Variants in SPAG17 observed in about 807,000 individuals in gnomAD.
SPAG17 encodes the protein sperm associated antigen 17.
Under a neutral mutation model 273.6 loss-of-function variants are expected in SPAG17, and 169 were observed. The ratio of observed to expected loss-of-function variants is 0.62; its 90% CI spans 0.55 to 0.70. The LOEUF (loss-of-function observed/expected upper bound fraction) is 0.70. SPAG17 is among the 30% of genes least tolerant of loss of function. The pLI, the probability that SPAG17 is intolerant of heterozygous loss-of-function variation, is 0.00. For synonymous variants in SPAG17, 825 were observed against 873.2 expected, an observed-to-expected ratio of 0.94 and a Z score of 0.97; for missense variants, 2,557 against 2,627.8, an observed-to-expected ratio of 0.97 and a Z score of 0.59.
chr1:117,954,749 C>G, intron 48 of SPAG17: 2 of 1,052,060 alleles, frequency 1.9e-6, no homozygotes, highest in Non-Finnish European at 2.8e-6. Context: ...CTTCAAAAGT[C>G]TCTTTTGAAT....
chr1:118,039,502 C>G (rs1007855861), intron 22 of SPAG17, 58 bp from the exon 23 acceptor site: 1 of 1,544,620 alleles, frequency 6.5e-7, no homozygotes. Context: ...TTAAGCTCCT[C>G]GACAAGATGG....
chr1:118,021,668 A>T (rs1044683997), intron 28 of SPAG17, among the ~76,000 whole-genome samples: 6 of 152,170 alleles, frequency 3.9e-5, no homozygotes, highest in African/African-American at 1.4e-4. Context: ...CTTTCCACTC[A>T]ATTTTTCTGT....
intron 18 of SPAG17, among the ~76,000 whole-genome samples, chr1:118,062,363 T>G (rs1258343467): frequency 4.5e-5 from 1 of 22,282 alleles, no homozygotes; most frequent in African/African-American, 3.3e-4. Flanking sequence ...CGAGACTCCA[T>G]CTCAAAAAAA....
At chr1:118,105,893 A>C (rs1656369433) in intron 4 of SPAG17, among the ~76,000 whole-genome samples, 1 of 152,214 alleles carries the variant, frequency 6.6e-6, no homozygotes, top group Non-Finnish European at 1.5e-5. Context: ...AGAGAGGCAG[A>C]GAATAACAGT....
chr1:118,143,432 T>C (rs145936899), intron 3 of SPAG17, among the ~76,000 whole-genome samples: 293 of 152,206 alleles, frequency 1.9e-3, no homozygotes, highest in African/African-American at 6.9e-3. Context: ...GTGCAGTGGT[T>C]TACACCTATA....
In SPAG17 at chr1:118,116,229, G is replaced by A. The variant is rs61838260; in HGVS notation, c.316-788C>T. ...TTTACTGCAAAAAAAATAAAATCAC[G>A]TAAAATATACCATAAAAAGTTGTTA... On this transcript the variant is annotated intron_variant, in intron 3 of 48. Coordinates refer to ENST00000336338, the MANE Select transcript of SPAG17 (RefSeq NM_206996.4). Among the ~76,000 whole-genome samples the A allele has an allele frequency of 4.6e-3, 699 of 152,188 alleles. 5 individuals carry two copies. Among genetic ancestry groups the A allele is most frequent in the Admixed American group, 0.023 (347 of 15,286 alleles).
chr1:118,050,281 G>T (rs1249048977), intron 20 of SPAG17, among the ~76,000 whole-genome samples: 1 of 152,152 alleles, frequency 6.6e-6, no homozygotes, highest in Non-Finnish European at 1.5e-5. Context: ...CAAGTCACCT[G>T]CTTGGCCTTC....
In SPAG17 at chr1:117,984,754, G is replaced by T. The variant is rs1413788991; in HGVS notation, c.5698C>A (p.Leu1900Ile). Residue 1900 changes from leucine to isoleucine, a missense_variant, in exon 41 of 49, where the codon CTA becomes ATA. Physicochemically the swap from Leu to Ile is conservative, Grantham distance 5. Coordinates refer to ENST00000336338, the MANE Select transcript of SPAG17 (RefSeq NM_206996.4). ...ATTATGCGGTTCTTAATATCCATTA[G>T]GTAATTCTGTGTTGTCTCAATTTCC... is the stretch of plus-strand genomic sequence containing the variant. ...RKEIETTQNY[L>I]MDIKNRIIPP... 3.7e-6 allele frequency: 6 copies of T among 1,610,528 alleles called. No individual in the cohort carries two copies. Among genetic ancestry groups the T allele is most frequent in the Admixed American group, 1.7e-5 (1 of 59,940 alleles).
At chr1:118,115,601 A>G (rs1334795405) in intron 3 of SPAG17, among the ~76,000 whole-genome samples, 160 bp from the exon 4 acceptor site, 1 of 152,190 alleles carries the variant, frequency 6.6e-6, no homozygotes, top group Non-Finnish European at 1.5e-5. Context: ...AAATGCCTCA[A>G]TGCTACAGAG....
At position 117,991,310 on chromosome 1, in the gene SPAG17, G is replaced by A. The variant is rs926005253; in HGVS notation, c.5475+105C>T. On this transcript the variant is annotated intron_variant, in intron 37 of 48. Coordinates refer to ENST00000336338, the MANE Select transcript of SPAG17 (RefSeq NM_206996.4). ...TGAAAATTATGAGGAGGGAGCAAAT[G>A]CTTCATGGAAGTGGCAGAAGCAGCT... is the stretch of plus-strand genomic sequence containing the variant. 8.0e-6 allele frequency: 5 copies of A among 624,814 alleles called. No individual in the cohort carries two copies. The African/African-American group carries it at 9.6e-5, about 12-fold the overall frequency. The allele number at this position is 624,814 out of a possible 1,614,324, so 38.7% of individuals were successfully genotyped here. A position where few individuals can be genotyped will look rare whatever the true frequency, so the allele number is the denominator to read the frequency against.
intron 10 of SPAG17, 64 bp downstream of exon 10, chr1:118,091,542 A>G: frequency 1.2e-6 from 1 of 854,788 alleles, no homozygotes; most frequent in Non-Finnish European, 1.9e-6. Context: ...GTGTAAAAAT[A>G]ACAGAAGCCA....
At chr1:118,065,929 A>T (rs1432500799) in intron 18 of SPAG17, among the ~76,000 whole-genome samples, 1 of 152,174 alleles carries the variant, frequency 6.6e-6, no homozygotes, top group Admixed American at 6.5e-5. Context: ...CCTAGCCAAG[A>T]CATAAGGCAA....
intron 3 of SPAG17, among the ~76,000 whole-genome samples, chr1:118,139,791 G>C (rs1658568231): frequency 6.6e-6 from 1 of 151,952 alleles, no homozygotes; most frequent in South Asian, 2.1e-4. Flanking sequence ...CAGAGACTGG[G>C]GGGTGGGGGG....
intron 3 of SPAG17, among the ~76,000 whole-genome samples, chr1:118,126,041 C>G (rs1272603974): frequency 1.2e-4 from 7 of 57,816 alleles, no homozygotes; most frequent in South Asian, 1.2e-3. Flanking sequence ...CTGTTATTTT[C>G]TGTTTTTTTT....
At chr1:118,184,418 C>T (rs1337675361) in intron 1 of SPAG17, among the ~76,000 whole-genome samples, 1 of 152,122 alleles carries the variant, frequency 6.6e-6, no homozygotes, top group Non-Finnish European at 1.5e-5. Context: ...ATCTCATGCA[C>T]TTTGAAGTCC....
intron 48 of SPAG17, among the ~76,000 whole-genome samples, chr1:117,958,586 A>G (rs770080974): frequency 1.2e-4 from 18 of 152,166 alleles, no homozygotes; most frequent in Admixed American, 3.9e-4. Context: ...ATTTCTTAGA[A>G]GGCTCATTCT....
chr1:117,999,022 G>A (rs7418507), intron 32 of SPAG17, among the ~76,000 whole-genome samples: 9,452 of 121,296 alleles, frequency 0.078, 506 homozygotes, highest in East Asian at 0.34. Flanking sequence ...GATGTTCCCC[G>A]CCCTGTGTCC....
chr1:117,971,929 A>C lies in SPAG17; in HGVS notation c.6260T>G (p.Val2087Gly). Residue 2087 changes from valine (V) to glycine (G), a missense_variant, in exon 45 of 49, where the codon GTG becomes GGG. Physicochemically the swap from Val to Gly is moderately radical, Grantham distance 109. Coordinates refer to ENST00000336338, the MANE Select transcript of SPAG17 (RefSeq NM_206996.4). ...GGCATAGGTATGTCCTTCCTTAAGCACTCCAAACTTGACTGATGATGGGAG... is the reference window on the plus strand; with the variant it reads ...GGCATAGGTATGTCCTTCCTTAAGCCCTCCAAACTTGACTGATGATGGGAG... ...HLLPSSVKFG[V>G]LKEGHTYATV... is the part of the protein sequence containing the mutation. The C allele has an allele frequency of 1.2e-6, 2 of 1,614,052 alleles. No individual in the cohort carries two copies. Among genetic ancestry groups the C allele is most frequent in the Non-Finnish European group, 1.7e-6 (2 of 1,179,984 alleles).
At chr1:118,139,790 G>T (rs1658568003) in intron 3 of SPAG17, among the ~76,000 whole-genome samples, 2 of 151,974 alleles carry the variant, frequency 1.3e-5, no homozygotes, top group Admixed American at 6.6e-5. Flanking sequence ...ACAGAGACTG[G>T]GGGGTGGGGG....
Sources: allele counts gnomAD v4.1 joint callset (sites outside exome capture counted in the v4.1 genomes callset), GRCh38; gene constraint gnomAD v4.1.1; transcripts MANE v1.5; gene names NCBI Gene and HGNC (gene_info 2026-07-23, HGNC 2026-07-21).